Variants in YLPM1 observed in about 807,000 individuals in gnomAD.
YLPM1 encodes the protein YLP motif containing 1.
A neutral mutation model predicts 230.0 loss-of-function variants in YLPM1; 99 were observed. The ratio of observed to expected loss-of-function variants is 0.43; its 90% CI spans 0.37 to 0.51. YLPM1 has a LOEUF of 0.51. Among genes scored for constraint, YLPM1 ranks in the 20% least tolerant of loss-of-function variants. The probability of loss-of-function intolerance (pLI) is 0.00; values close to 1 mark genes in which losing one functional copy is unlikely to be tolerated. For missense variants in YLPM1, 2,592 were observed against 2,707.7 expected, an observed-to-expected ratio of 0.96 and a Z score of 0.95; for synonymous variants, 984 against 942.5, an observed-to-expected ratio of 1.04 and a Z score of -0.81.
Position 74,817,029 on chromosome 14 carries a change from C to T in YLPM1, c.5784C>T (p.Phe1928=), listed in dbSNP as rs756799111. The change falls in exon 14 of 21, where the codon TTC becomes TTT. Residue 1928 remains phenylalanine (F), a synonymous_variant. Coordinates refer to ENST00000325680, the MANE Select transcript of YLPM1 (RefSeq NM_019589.3). The stretch of plus-strand genomic sequence containing the variant: ...CTCTGGATGATGGCTTTTTTCCCTT[C>T]ATCATCCTGGATGCCATCAATGACA... ...KKTLDDGFFP[F]IILDAINDRV... is the part of the protein sequence containing the mutation. The T allele has an allele frequency of 1.2e-6, 2 of 1,611,506 alleles. No homozygotes were observed. The highest frequency in any genetic ancestry group is 8.5e-7 in the Non-Finnish European group (1 of 1,179,024).
chr14:74,776,098 T>G (rs944904008), intron 1 of YLPM1, among the ~76,000 whole-genome samples: 1 of 152,164 alleles, frequency 6.6e-6, no homozygotes, highest in Admixed American at 6.5e-5. Flanking sequence ...CATGGGAAAT[T>G]ATATAATACT....
chr14:74,777,982 AAAG>A (rs2091058527), intron 1 of YLPM1, among the ~76,000 whole-genome samples: 1 of 151,990 alleles, frequency 6.6e-6, no homozygotes, highest in Admixed American at 6.6e-5. Flanking sequence ...CTCAAAAAAA[AAAG>A]AAAGAAAAGA....
rs754791221 is a variant in YLPM1 at position 74,818,318 on chromosome 14, A to G, written c.6030+4A>G. The G allele has an allele frequency of 6.3e-7, 1 of 1,591,194 alleles. No individual in the cohort carries two copies. The highest frequency in any genetic ancestry group is 8.6e-7 in the Non-Finnish European group (1 of 1,168,778). On this transcript the variant is annotated splice_donor_region_variant and intron_variant, in intron 16 of 20. Transcript: ENST00000325680. ...GCAAGATGCTGCTATTGAAGAGGTGAGTATCCTTTGGTTCAAATGCAATGC... is the reference window on the plus strand; with the variant it reads ...GCAAGATGCTGCTATTGAAGAGGTGGGTATCCTTTGGTTCAAATGCAATGC...
Position 74,781,841 on chromosome 14 carries a change from G to A in YLPM1, c.1798G>A (p.Gly600Arg). Residue 600 changes from glycine to arginine, a missense_variant, in exon 4 of 21, where the codon GGG becomes AGG. Transcript: ENST00000325680. Reference sequence around the variant, plus strand: ...CCCCCCACCTTCCCTGTCTTCTGCAGGGCCACCACCAGTTCTTCCCCCACC... The same window carrying A: ...CCCCCCACCTTCCCTGTCTTCTGCAAGGCCACCACCAGTTCTTCCCCCACC... Reference protein sequence around the residue: ...VLPPPSLSSAGPPPVLPPPSL... With the variant: ...VLPPPSLSSARPPPVLPPPSL... 1 of 1,610,442 alleles carries A rather than the reference G, an allele frequency of 6.2e-7. No individual in the cohort carries two copies. The highest frequency in any genetic ancestry group is 8.5e-7 in the Non-Finnish European group (1 of 1,178,748).
Position 74,782,165 on chromosome 14 carries a change from G to T in YLPM1, c.2122G>T (p.Ala708Ser), listed in dbSNP as rs200321143. 2 of 1,612,146 alleles carry T rather than the reference G, an allele frequency of 1.2e-6. No homozygotes were observed. The highest frequency in any genetic ancestry group is 1.3e-5 in the African/African-American group (1 of 74,898). ...VNSKAPLSKS[A>S]LPYSSFSSDQ... Reference sequence around the variant, plus strand: ...TTCAAAAGCTCCTTTGAGCAAGTCTGCTCTGCCATACAGTTCATTCTCATC... The same window carrying T: ...TTCAAAAGCTCCTTTGAGCAAGTCTTCTCTGCCATACAGTTCATTCTCATC... Residue 708 changes from alanine (A) to serine (S), a missense_variant, in exon 4 of 21, where the codon GCT becomes TCT. Coordinates refer to ENST00000325680, the MANE Select transcript of YLPM1 (RefSeq NM_019589.3).
intron 6 of YLPM1, among the ~76,000 whole-genome samples, chr14:74,806,786 ATTTATCTG>A (rs1178226265): frequency 6.7e-6 from 1 of 149,852 alleles, no homozygotes; most frequent in Non-Finnish European, 1.5e-5. Context: ...TCCTTCACCC[ATTTATCTG>A]TTTGAGTCAG....
intron 6 of YLPM1, among the ~76,000 whole-genome samples, chr14:74,806,307 A>G (rs2091377677): frequency 6.6e-6 from 1 of 151,976 alleles, no homozygotes. Flanking sequence ...CAGTGAGCCA[A>G]GATTGCACCA....
In YLPM1 at chr14:74,810,238, A is replaced by G. The variant is rs769498162; in HGVS notation, c.5046A>G (p.Gln1682=). Residue 1682 remains glutamine (Q), a synonymous_variant, in exon 9 of 21, where the codon CAA becomes CAG. Transcript: ENST00000325680. ...TTGTTTTTGTAGAGCATGCAGGCCA[A>G]CGTGATCGTTATGATAGAGAAAGAG... ...RSTFETEHAG[Q]RDRYDRERDR... 40 of 1,613,758 alleles carry G rather than the reference A, an allele frequency of 2.5e-5. No homozygotes were observed. Among genetic ancestry groups the G allele is most frequent in the Admixed American group, 2.0e-4 (12 of 60,006 alleles).
chr14:74,813,405 G>A (rs1304623541), intron 11 of YLPM1, among the ~76,000 whole-genome samples: 5 of 151,150 alleles, frequency 3.3e-5, no homozygotes, highest in Non-Finnish European at 4.4e-5. Context: ...CCTGTAGTAT[G>A]CCTATGGTTG....
At chr14:74,814,571 T>C (rs767706748) in intron 11 of YLPM1, among the ~76,000 whole-genome samples, 9 of 152,232 alleles carry the variant, frequency 5.9e-5, no homozygotes, top group Non-Finnish European at 1.2e-4. Flanking sequence ...ATTGATTTCA[T>C]ATGTTAACTT....
rs758165436 is a variant in YLPM1, at chr14:74,810,411, G to A, written c.5219G>A (p.Arg1740Gln). Residue 1740 changes from arginine to glutamine, a missense_variant, in exon 9 of 21, where the codon CGA becomes CAA. Around this residue, in one of 4 missense-constraint regions of YLPM1, gnomAD observed 403 missense variants for 426.7 expected, o/e 0.94. Coordinates refer to ENST00000325680, the MANE Select transcript of YLPM1 (RefSeq NM_019589.3). ...CGATTTGACAGAGAACGCCGACCCC[G>A]AGATGATAGGTATGCTATAAAACAA... is the stretch of plus-strand genomic sequence containing the variant. Reference protein sequence around the residue: ...RDRFDRERRPRDDRAQSYRDK... With the variant: ...RDRFDRERRPQDDRAQSYRDK... 8.1e-6 allele frequency: 13 copies of A among 1,613,510 alleles called. No homozygotes were observed. The highest frequency in any genetic ancestry group is 3.3e-5 in the Admixed American group (2 of 59,974).
chr14:74,810,768 A>G (rs1262126661), intron 9 of YLPM1, among the ~76,000 whole-genome samples: 5 of 152,080 alleles, frequency 3.3e-5, no homozygotes, highest in Admixed American at 1.3e-4. Flanking sequence ...TCTGGCAGCC[A>G]GCCAAGGAAA....
intron 1 of YLPM1, among the ~76,000 whole-genome samples, chr14:74,766,337 T>A (rs949862900): frequency 1.3e-5 from 2 of 152,202 alleles, no homozygotes; most frequent in African/African-American, 4.8e-5. Context: ...TTTTGGAATG[T>A]GTCATTCAAA....
At chr14:74,835,651 T>C (rs1414370439) in intron 20 of YLPM1, 124 bp from the exon 21 acceptor site, 5 of 493,768 alleles carry the variant, frequency 1.0e-5, no homozygotes, top group Non-Finnish European at 1.8e-5. Flanking sequence ...CTTATAAAAA[T>C]AAAAACCTTG....
At chr14:74,780,622 A>G (rs781717090) in intron 3 of YLPM1, 38 bp downstream of exon 3, 1 of 1,524,728 alleles carries the variant, frequency 6.6e-7, no homozygotes. Flanking sequence ...AAGTTGCCCC[A>G]AGACATTGAA....
At chr14:74,804,183 C>T (rs1054364233) in intron 6 of YLPM1, among the ~76,000 whole-genome samples, 8 of 152,052 alleles carry the variant, frequency 5.3e-5, no homozygotes, top group South Asian at 4.1e-4. Flanking sequence ...AAACAAAATT[C>T]TCATCACCCT....
intron 1 of YLPM1, among the ~76,000 whole-genome samples, chr14:74,768,981 A>T (rs2090943410): frequency 6.6e-6 from 1 of 152,054 alleles, no homozygotes; most frequent in South Asian, 2.1e-4. Context: ...ATATATTTTA[A>T]ATAATTGAAT....
Position 74,798,729 on chromosome 14 carries a change from A to C in YLPM1, c.3432A>C (p.Arg1144Ser). The C allele has an allele frequency of 6.2e-7, 1 of 1,612,462 alleles. No individual in the cohort carries two copies. Among genetic ancestry groups the C allele is most frequent in the Non-Finnish European group, 8.5e-7 (1 of 1,179,044 alleles). ...IPPRRAGSRE[R>S]GPPRGPGSRE... is the part of the protein sequence containing the mutation. ...CCCGAAGAGCTGGGAGCAGGGAGAG[A>C]GGACCACCTCGAGGGCCTGGCAGTC... The change falls in exon 5 of 21, where the codon AGA (arginine) becomes AGC (serine). Residue 1144 changes from arginine to serine, a missense_variant. By Grantham distance (110) the Arg-to-Ser change is moderately radical. Around this residue, in one of 4 missense-constraint regions of YLPM1, gnomAD observed 1,862 missense variants for 1,819.8 expected, o/e 1.02. Transcript: ENST00000325680.
Position 74,824,319 on chromosome 14 carries a change from CT to C in YLPM1, c.6163+17del. The C allele has an allele frequency of 6.2e-7, 1 of 1,611,206 alleles. No individual in the cohort carries two copies. ...TGAGGCAAAGCTAGGTGGGTATTTC[CT>C]TTTTCCTGTTTTTATATGTGATACC... is the stretch of plus-strand genomic sequence containing the variant. On this transcript the variant is annotated intron_variant, in intron 18 of 20. Transcript: ENST00000325680.
Sources: gnomAD v4.1 joint callset for allele counts (sites outside exome capture counted in the v4.1 genomes callset) on GRCh38, gnomAD v4.1.1 for gene constraint, gnomAD v4.1.1 regional missense constraint, MANE v1.5 for transcripts, NCBI Gene and HGNC (gene_info 2026-07-23, HGNC 2026-07-21) for gene names.